The following PTPRD variants were observed in gnomAD, a reference collection of about 807,000 sequenced individuals.
The protein encoded by PTPRD is protein tyrosine phosphatase receptor type D.
PTPRD carries 34 observed loss-of-function variants against 214.5 expected under a neutral mutation model. The observed-to-expected ratio is 0.16, with a 90% CI of 0.12 to 0.21. The LOEUF is 0.21. Ranked by LOEUF, PTPRD falls within the 10% of genes least tolerant of loss-of-function variation. The pLI, the probability that PTPRD is intolerant of heterozygous loss-of-function variation, is 1.00. For synonymous variants in PTPRD, 1,128 were observed against 845.7 expected (o/e 1.33, Z -5.79); for missense variants, 2,545 against 2,398.7 (o/e 1.06, Z -1.27).
At chr9:9,078,614 C>T (rs2099754466) in intron 10 of PTPRD, among the ~76,000 whole-genome samples, 1 of 151,826 alleles carries the variant, frequency 6.6e-6, no homozygotes, top group South Asian at 2.1e-4. Context: ...TCTCCAGAAG[C>T]AGTCTCTGGG....
intron 9 of PTPRD, among the ~76,000 whole-genome samples, chr9:9,361,914 C>A (rs2056305763): frequency 1.3e-5 from 2 of 150,960 alleles, no homozygotes; most frequent in African/African-American, 4.8e-5. Flanking sequence ...GATAGAAACC[C>A]CCTAGCCTCC....
chr9:10,031,768 T>A (rs2154132284), intron 4 of PTPRD, among the ~76,000 whole-genome samples: 1 of 151,292 alleles, frequency 6.6e-6, no homozygotes, highest in East Asian at 1.9e-4. Flanking sequence ...TTTATGGAGT[T>A]TACTAGATTC....
Position 8,330,372 on chromosome 9 carries a change from A to AAATAGACTATAGTAT in PTPRD, c.5534+1195_5534+1209dup, listed in dbSNP as rs539834516. ...TTTAGACCTAATGCTATTGCACACTAAATAGACTATAGTATAAAGTAAACA... is the reference window on the plus strand; with the variant it reads ...TTTAGACCTAATGCTATTGCACACTAAATAGACTATAGTATAATAGACTATAGTATAAAGTAAACA... On this transcript the variant is annotated intron_variant, in intron 44 of 45. Transcript: ENST00000381196. Among the ~76,000 whole-genome samples, 145 of 152,202 alleles carry AAATAGACTATAGTAT rather than the reference A, an allele frequency of 9.5e-4. 1 individual carries two copies. Among genetic ancestry groups the AAATAGACTATAGTAT allele is most frequent in the African/African-American group, 3.3e-3 (138 of 41,510 alleles).
At chr9:8,631,462 T>C (rs1181724983) in intron 14 of PTPRD, among the ~76,000 whole-genome samples, 5 of 151,814 alleles carry the variant, frequency 3.3e-5, no homozygotes, top group Admixed American at 6.6e-5. Flanking sequence ...CATCTGGGTA[T>C]GAACAACCTT....
intron 33 of PTPRD, among the ~76,000 whole-genome samples, chr9:8,458,911 T>C (rs2134047719): frequency 6.6e-6 from 1 of 152,258 alleles, no homozygotes; most frequent in African/African-American, 2.4e-5. Context: ...TGGATATATC[T>C]TTCATTCTTT....
intron 8 of PTPRD, among the ~76,000 whole-genome samples, chr9:9,401,402 G>C (rs2070408763): frequency 6.6e-6 from 1 of 151,848 alleles, no homozygotes; most frequent in South Asian, 2.1e-4. Context: ...CAAAACTCCA[G>C]TCCTTATTTC....
chr9:10,279,037 G>A (rs963586995), intron 3 of PTPRD, among the ~76,000 whole-genome samples: 9 of 152,160 alleles, frequency 5.9e-5, no homozygotes, highest in Admixed American at 2.0e-4. Flanking sequence ...GCCTCCCAAA[G>A]TGCTGGGCTC....
chr9:9,710,390 AACTT>A (rs1342322400), intron 7 of PTPRD, among the ~76,000 whole-genome samples: 1 of 152,106 alleles, frequency 6.6e-6, no homozygotes, highest in Non-Finnish European at 1.5e-5. Context: ...GTGATTAAGA[AACTT>A]ACTTAATCAC....
chr9:10,353,772 C>A (rs1441059305), intron 2 of PTPRD, among the ~76,000 whole-genome samples: 1 of 151,858 alleles, frequency 6.6e-6, no homozygotes, highest in Non-Finnish European at 1.5e-5. Context: ...TAACTTTAAA[C>A]TCATGTCCAA....
At chr9:9,774,453 G>C (rs1414653719) in intron 5 of PTPRD, among the ~76,000 whole-genome samples, 1 of 152,168 alleles carries the variant, frequency 6.6e-6, no homozygotes, top group African/African-American at 2.4e-5. Flanking sequence ...TCAAGCACGA[G>C]GTTCCATCAT....
At position 9,338,104 on chromosome 9, in the gene PTPRD, A is replaced by G. The variant is rs190512072; in HGVS notation, c.-203+59345T>C. Among the ~76,000 whole-genome samples the G allele has an allele frequency of 1.8e-4, 27 of 152,306 alleles. No homozygotes were observed. In the South Asian group the frequency reaches 2.3e-3, roughly 13 times the overall value. On this transcript the variant is annotated intron_variant, in intron 9 of 45. Transcript: ENST00000381196. ...TTACATCTGAAAAATATCCCCATAC[A>G]ATGACAAATAGTCATTATGGAAAAG...
chr9:8,851,181 T>A (rs1601860878), intron 11 of PTPRD, among the ~76,000 whole-genome samples: 1 of 145,572 alleles, frequency 6.9e-6, no homozygotes. Context: ...AGCAGCTTTC[T>A]AAGATGCACT....
At chr9:9,619,974 GAGAA>G (rs1240510816) in intron 7 of PTPRD, among the ~76,000 whole-genome samples, 1 of 151,486 alleles carries the variant, frequency 6.6e-6, no homozygotes, top group East Asian at 1.9e-4. Context: ...CATATATATG[GAGAA>G]AGAGAGAGAG....
At chr9:9,010,878 C>G (rs1291404235) in intron 11 of PTPRD, among the ~76,000 whole-genome samples, 1 of 152,112 alleles carries the variant, frequency 6.6e-6, no homozygotes, top group East Asian at 1.9e-4. Flanking sequence ...GATTGGCAGA[C>G]AAATATTATC....
intron 6 of PTPRD, among the ~76,000 whole-genome samples, chr9:9,740,514 C>G (rs559362339): frequency 5.6e-5 from 6 of 107,992 alleles, no homozygotes; most frequent in African/African-American, 2.8e-4. Flanking sequence ...CCCGCCACCA[C>G]GCCCGGCTAA....
chr9:10,020,396 G>A (rs1049040849), intron 4 of PTPRD, among the ~76,000 whole-genome samples: 1 of 147,236 alleles, frequency 6.8e-6, no homozygotes, highest in African/African-American at 2.5e-5. Flanking sequence ...CCACTTCTCG[G>A]GTTCAAGCGA....
intron 9 of PTPRD, among the ~76,000 whole-genome samples, chr9:9,243,454 G>C (rs1158834592): frequency 2.6e-5 from 4 of 152,116 alleles, no homozygotes; most frequent in African/African-American, 9.7e-5. Flanking sequence ...AATCAAGTGG[G>C]CTTCATCCCT....
intron 11 of PTPRD, among the ~76,000 whole-genome samples, chr9:8,859,768 G>C (rs1158852679): frequency 1.4e-5 from 2 of 144,654 alleles, no homozygotes; most frequent in Middle Eastern, 3.4e-3. Flanking sequence ...TTTTTTAAAG[G>C]AATCTCTCTA....
intron 8 of PTPRD, among the ~76,000 whole-genome samples, chr9:9,513,933 G>A (rs1361126401): frequency 6.6e-6 from 1 of 152,008 alleles, no homozygotes; most frequent in African/African-American, 2.4e-5. Flanking sequence ...TGTGAATAAG[G>A]CTGTTAAGAT....
Sources: allele counts gnomAD v4.1 joint callset (sites outside exome capture counted in the v4.1 genomes callset), GRCh38; gene constraint gnomAD v4.1.1; transcripts MANE v1.5; gene names NCBI Gene and HGNC (gene_info 2026-07-23, HGNC 2026-07-21).